Variants in LYPLA1 observed in about 807,000 individuals in gnomAD.
The protein encoded by LYPLA1 is lysophospholipase 1.
Under a neutral mutation model 34.0 loss-of-function variants are expected in LYPLA1, and 17 were observed. The ratio of observed to expected loss-of-function variants is 0.50; its 90% CI spans 0.34 to 0.75. LYPLA1 has a LOEUF of 0.75. Among genes scored for constraint, LYPLA1 ranks in the 30% least tolerant of loss-of-function variants. LYPLA1 has a pLI of 0.01. For missense variants in LYPLA1, 203 were observed against 288.8 expected (o/e 0.70, Z 2.15); for synonymous variants, 98 against 100.8 (o/e 0.97, Z 0.17).
chr8:54,073,231 A>T, intron 2 of LYPLA1: 1 of 838,848 alleles, frequency 1.2e-6, no homozygotes, highest in African/African-American at 1.7e-5. Flanking sequence ...ACAGGACAGT[A>T]AGGAACTAAA....
chr8:54,063,504 CTG>C (rs1806814669), intron 3 of LYPLA1, 129 bp from the exon 4 acceptor site: 1 of 677,234 alleles, frequency 1.5e-6, no homozygotes, highest in Non-Finnish European at 2.6e-6. Context: ...AACATATGAA[CTG>C]TTTTATTTCA....
At chr8:54,072,555 C>T (rs941796929) in intron 2 of LYPLA1, among the ~76,000 whole-genome samples, 2 of 151,976 alleles carry the variant, frequency 1.3e-5, no homozygotes, top group African/African-American at 4.8e-5. Context: ...AACCACCTAG[C>T]TGTTCTGTGG....
intron 2 of LYPLA1, among the ~76,000 whole-genome samples, chr8:54,083,596 C>T (rs1808470507): frequency 6.6e-6 from 1 of 152,164 alleles, no homozygotes; most frequent in Non-Finnish European, 1.5e-5. Context: ...AACTACTCAA[C>T]TCAGCCACTC....
At chr8:54,051,785 GCTT>G (rs948557753) in intron 7 of LYPLA1, among the ~76,000 whole-genome samples, 3 of 151,052 alleles carry the variant, frequency 2.0e-5, no homozygotes, top group African/African-American at 4.9e-5. Context: ...TATATTTTCA[GCTT>G]TTTTTTGTTT....
At chr8:54,077,553 TG>T (rs1807998212) in intron 2 of LYPLA1, among the ~76,000 whole-genome samples, 1 of 152,136 alleles carries the variant, frequency 6.6e-6, no homozygotes, top group African/African-American at 2.4e-5. Flanking sequence ...CCCAGCACTT[TG>T]GGAGGCTGAG....
chr8:54,062,125 T>G, intron 5 of LYPLA1, 129 bp downstream of exon 5: 1 of 619,792 alleles, frequency 1.6e-6, no homozygotes. Context: ...CCCAAAGTAC[T>G]GGGATTACAG....
chr8:54,094,296 C>A (rs940218608), intron 2 of LYPLA1, among the ~76,000 whole-genome samples: 3 of 152,148 alleles, frequency 2.0e-5, no homozygotes, highest in Non-Finnish European at 2.9e-5. Context: ...TCCTCCTCCT[C>A]GTTTCCCCTT....
At position 54,063,499 on chromosome 8, in the gene LYPLA1, A is replaced by G. The variant is rs187247599; in HGVS notation, c.168-124T>C. The G allele has an allele frequency of 4.5e-3, 3,091 of 683,798 alleles. 14 individuals carry two copies. Among genetic ancestry groups the G allele is most frequent in the Non-Finnish European group, 6.8e-3 (2,672 of 391,332 alleles). The allele number at this position is 683,798 out of a possible 1,614,324, so 42.4% of individuals were successfully genotyped here. Reference sequence around the variant, plus strand: ...AAACTATATGCTACAGTTTTAACATATGAACTGTTTTATTTCATCCACACC... The same window carrying G: ...AAACTATATGCTACAGTTTTAACATGTGAACTGTTTTATTTCATCCACACC... On this transcript the variant is annotated intron_variant, in intron 3 of 8. Transcript: ENST00000316963.
intron 2 of LYPLA1, among the ~76,000 whole-genome samples, chr8:54,084,080 G>C (rs1808503881): frequency 6.7e-6 from 1 of 148,408 alleles, no homozygotes; most frequent in African/African-American, 2.6e-5. Flanking sequence ...AGAGGTTGCA[G>C]TGAGTTGAGA....
chr8:54,051,604 C>G (rs900435645), intron 7 of LYPLA1, among the ~76,000 whole-genome samples: 1 of 151,928 alleles, frequency 6.6e-6, no homozygotes, highest in Non-Finnish European at 1.5e-5. Context: ...CGTGCCACCA[C>G]GCCCAGCTAA....
intron 2 of LYPLA1, among the ~76,000 whole-genome samples, chr8:54,093,482 CG>C (rs1472524441): frequency 1.3e-5 from 2 of 152,154 alleles, no homozygotes; most frequent in Non-Finnish European, 2.9e-5. Context: ...TTATCAGAAA[CG>C]GAACAGGCAA....
At chr8:54,066,055 G>A (rs1331053815) in intron 2 of LYPLA1, among the ~76,000 whole-genome samples, 1 of 152,086 alleles carries the variant, frequency 6.6e-6, no homozygotes, top group East Asian at 1.9e-4. Flanking sequence ...TCCTGCCTCA[G>A]CCTCCCAAGT....
intron 2 of LYPLA1, among the ~76,000 whole-genome samples, chr8:54,072,535 G>A (rs1419401879): frequency 6.6e-6 from 1 of 151,628 alleles, no homozygotes; most frequent in Non-Finnish European, 1.5e-5. Flanking sequence ...AAATTTACAA[G>A]TAAAAAACAA....
At chr8:54,074,539 C>T (rs892878825) in intron 2 of LYPLA1, among the ~76,000 whole-genome samples, 7 of 152,188 alleles carry the variant, frequency 4.6e-5, no homozygotes, top group African/African-American at 1.7e-4. Context: ...TTTTCCAGGA[C>T]CTTTGAAAGG....
intron 5 of LYPLA1, among the ~76,000 whole-genome samples, chr8:54,057,473 T>C (rs1394900056): frequency 6.6e-5 from 10 of 152,148 alleles, no homozygotes; most frequent in African/African-American, 2.2e-4. Flanking sequence ...TGAAGTACTA[T>C]TCAGCCATAA....
chr8:54,095,125 T>C (rs1007681949), intron 2 of LYPLA1, among the ~76,000 whole-genome samples: 1 of 151,754 alleles, frequency 6.6e-6, no homozygotes, highest in African/African-American at 2.4e-5. Context: ...AGCTCCCAAG[T>C]AGATGGGACA....
chr8:54,085,883 T>A (rs1295402724), intron 2 of LYPLA1, among the ~76,000 whole-genome samples: 8 of 151,292 alleles, frequency 5.3e-5, no homozygotes, highest in Non-Finnish European at 8.9e-5. Context: ...AGCCGCCCCG[T>A]CTGGGAAGTG....
At chr8:54,064,186 G>A (rs924100433) in intron 3 of LYPLA1, among the ~76,000 whole-genome samples, 11 of 152,178 alleles carry the variant, frequency 7.2e-5, no homozygotes, top group South Asian at 4.1e-4. Flanking sequence ...AGGCCGAGGC[G>A]GGCGGATCAC....
Position 54,089,502 on chromosome 8 carries a change from C to T in LYPLA1, c.101+11406G>A, listed in dbSNP as rs371933490. Among the ~76,000 whole-genome samples, 8 of 118,346 alleles carry T rather than the reference C, an allele frequency of 6.8e-5. 1 individual carries two copies. Among genetic ancestry groups the T allele is most frequent in the African/African-American group, 2.5e-4 (7 of 28,198 alleles). The allele number at this position is 118,346 out of a possible 152,430, so 77.6% of individuals were successfully genotyped here. A position where few individuals can be genotyped will look rare whatever the true frequency, so the allele number is the denominator to read the frequency against. On this transcript the variant is annotated intron_variant, in intron 2 of 8. Transcript: ENST00000316963. ...GATTTCAGACATCCCTGGGGGGGGGCGGGATCTTTGAACATATGTGACAAT... is the reference window on the plus strand; with the variant it reads ...GATTTCAGACATCCCTGGGGGGGGGTGGGATCTTTGAACATATGTGACAAT...
Sources: allele counts gnomAD v4.1 joint callset (sites outside exome capture counted in the v4.1 genomes callset), GRCh38; gene constraint gnomAD v4.1.1; transcripts MANE v1.5; gene names NCBI Gene and HGNC (gene_info 2026-07-23, HGNC 2026-07-21).